Variants in APBB3 observed in about 807,000 individuals in gnomAD.
APBB3 encodes amyloid beta precursor protein binding family B member 3.
Under a neutral mutation model 61.5 loss-of-function variants are expected in APBB3, and 50 were observed. The ratio of observed to expected loss-of-function variants is 0.81; its 90% CI spans 0.65 to 1.03. APBB3 has a LOEUF of 1.03. APBB3 is among the 50% of genes least tolerant of loss of function. The probability of loss-of-function intolerance (pLI) is 0.00; values close to 1 mark genes in which losing one functional copy is unlikely to be tolerated. For synonymous variants in APBB3, 235 were observed against 233.0 expected, an observed-to-expected ratio of 1.01 and a Z score of -0.08; for missense variants, 550 against 637.4, an observed-to-expected ratio of 0.86 and a Z score of 1.48.
intron 12 of APBB3, among the ~76,000 whole-genome samples, chr5:140,559,066 GTTA>G (rs1360554780): frequency 1.3e-5 from 2 of 152,274 alleles, no homozygotes; most frequent in South Asian, 2.1e-4. Context: ...TTTATGAGGG[GTTA>G]TTATCCCTGT....
At position 140,558,655 on chromosome 5, in the gene APBB3, G is replaced by A. The variant is rs760613759; in HGVS notation, c.1391C>T (p.Pro464Leu). 2 of 1,614,142 alleles carry A rather than the reference G, an allele frequency of 1.2e-6. No homozygotes were observed. Among genetic ancestry groups the A allele is most frequent in the South Asian group, 1.1e-5 (1 of 91,082 alleles). ...AAAAGAGAAGACACCCCGCTTTCGA[G>A]GGGTTGCCCCTGCACCGCCAACCCC... The part of the protein sequence containing the change: ...KGGVGGAGAT[P>L]RKRGVFSFLD... The change falls in exon 13 of 13, where the codon CCT (proline) becomes CTT (leucine). Residue 464 changes from proline to leucine, a missense_variant. Around this residue, in one of 3 missense-constraint regions of APBB3, gnomAD observed 138 missense variants for 132.6 expected, o/e 1.04. Coordinates refer to ENST00000357560, the MANE Select transcript of APBB3 (RefSeq NM_133173.3).
At position 140,564,097 on chromosome 5, in the gene APBB3, G is replaced by GA; in HGVS notation, c.49+99dup. ...TCATTCGCCCCCTGGTCCCTACACA[G>GA]AGAGGTATCCCCCACCGTCTTTGAG... On this transcript the variant is annotated intron_variant, in intron 1 of 12. Transcript: ENST00000357560. The surrounding 1 kb of genome is among the most constrained non-coding windows in gnomAD (Gnocchi z 5.0). The GA allele has an allele frequency of 6.5e-7, 1 of 1,550,228 alleles. No homozygotes were observed. Among genetic ancestry groups the GA allele is most frequent in the South Asian group, 1.1e-5 (1 of 87,428 alleles).
Position 140,562,483 on chromosome 5 carries a change from G to A in APBB3, c.368C>T (p.Ser123Phe), listed in dbSNP as rs144671723. The A allele has an allele frequency of 1.2e-4, 192 of 1,614,002 alleles. No individual in the cohort carries two copies. The highest frequency in any genetic ancestry group is 1.6e-4 in the Non-Finnish European group (188 of 1,180,028). The change falls in exon 5 of 13, where the codon TCT becomes TTT. Residue 123 changes from serine (S) to phenylalanine (F), a missense_variant. Physicochemically the swap from Ser to Phe is radical, Grantham distance 155. Coordinates refer to ENST00000357560, the MANE Select transcript of APBB3 (RefSeq NM_133173.3). ...EPGAKCFAVR[S>F]LGWVEVPEED... Reference sequence around the variant, plus strand: ...TTCAGGTACCTCTACCCAGCCCAGAGAGCGGACTGCAAAGCACTGACAGGT... The same window carrying A: ...TTCAGGTACCTCTACCCAGCCCAGAAAGCGGACTGCAAAGCACTGACAGGT...
chr5:140,560,904 C>T lies in APBB3; in HGVS notation c.916+114G>A. The stretch of plus-strand genomic sequence containing the variant: ...TTCTGATTTGGGAAGGCTGGTAGAC[C>T]CCAGGCCATAACAAGGCCACGGGAG... On this transcript the variant is annotated intron_variant, in intron 10 of 12. Transcript: ENST00000357560. This position sits in a 1 kb window ranked among gnomAD's most constrained non-coding sequence, Gnocchi z 5.1. 7.1e-7 allele frequency: 1 copy of T among 1,401,210 alleles called. No homozygotes were observed. Among genetic ancestry groups the T allele is most frequent in the Non-Finnish European group, 9.9e-7 (1 of 1,008,686 alleles). The allele number at this position is 1,401,210 out of a possible 1,614,324, so 86.8% of individuals were successfully genotyped here.
In APBB3 at chr5:140,560,951, G is replaced by T; in HGVS notation, c.916+67C>A. 6.5e-7 allele frequency: 1 copy of T among 1,547,320 alleles called. No homozygotes were observed. The highest frequency in any genetic ancestry group is 8.8e-7 in the Non-Finnish European group (1 of 1,131,828). On this transcript the variant is annotated intron_variant, in intron 10 of 12. Coordinates refer to ENST00000357560, the MANE Select transcript of APBB3 (RefSeq NM_133173.3). The surrounding 1 kb of genome is among the most constrained non-coding windows in gnomAD (Gnocchi z 5.1). ...GGAGGACTCTTGAGAAATGATAACA[G>T]GCCTCACCTCACTCACCTTCCCCTT... is the stretch of plus-strand genomic sequence containing the variant.
At chr5:140,563,036 G>C in intron 3 of APBB3, 1 of 366,616 alleles carries the variant, frequency 2.7e-6, no homozygotes, top group Non-Finnish European at 5.0e-6. Context: ...CATGAGGTCA[G>C]GATATCGAGA....
Position 140,560,715 on chromosome 5 carries a change from G to A in APBB3, c.956C>T (p.Ala319Val). ...VLNEAIGTLT[A>V]RGDRNAWVPT... ...GACCCAGGCATTCCGGTCCCCCCTG[G>A]CGGTGAGGGTACCAATGGCCTCGTT... The change falls in exon 11 of 13, where the codon GCC (alanine) becomes GTC (valine). Residue 319 changes from alanine (A) to valine (V), a missense_variant. By Grantham distance (64) the Ala-to-Val change is moderately conservative (BLOSUM62 0). Transcript: ENST00000357560. The surrounding 1 kb of genome is among the most constrained non-coding windows in gnomAD (Gnocchi z 5.1). The A allele has an allele frequency of 6.2e-7, 1 of 1,614,192 alleles. No individual in the cohort carries two copies. Among genetic ancestry groups the A allele is most frequent in the Middle Eastern group, 1.6e-4 (1 of 6,062 alleles).
rs1049553556 is a variant in APBB3 at position 140,564,361 on chromosome 5, T to C, written c.-116A>G. On this transcript the variant is annotated 5_prime_UTR_variant, in exon 1 of 13. Transcript: ENST00000357560. The surrounding 1 kb of genome is among the most constrained non-coding windows in gnomAD (Gnocchi z 5.0). The stretch of plus-strand genomic sequence containing the variant: ...CTGCGCCGCAGGCTGCGGGGCCAGC[T>C]GGCGCCGCACAAATACGGGGCGGGA... 3.4e-5 allele frequency: 42 copies of C among 1,240,902 alleles called. No individual in the cohort carries two copies. The African/African-American group carries it at 3.8e-4, about 11-fold the overall frequency. 76.9% of individuals were successfully genotyped at this position (1,240,902 alleles called of 1,614,324 possible).
At position 140,564,190 on chromosome 5, in the gene APBB3, T is replaced by C. The variant is rs769101762; in HGVS notation, c.49+7A>G. On this transcript the variant is annotated splice_region_variant and intron_variant, in intron 1 of 12. Transcript: ENST00000357560. This position sits in a 1 kb window ranked among gnomAD's most constrained non-coding sequence, Gnocchi z 5.0. ...CTGGTCTTCCCACCGGGCCCCTCCG[T>C]GCACACCATCGCAGTTGACCAGAAT... 2.0e-5 allele frequency: 32 copies of C among 1,613,920 alleles called. No individual in the cohort carries two copies. In the African/African-American group the frequency reaches 3.5e-4, roughly 18 times the overall value.
rs775451673 is a variant in APBB3, at chr5:140,562,476, G to A, written c.375C>T (p.Gly125=). The A allele has an allele frequency of 6.2e-7, 1 of 1,614,146 alleles. No homozygotes were observed. The highest frequency in any genetic ancestry group is 8.5e-7 in the Non-Finnish European group (1 of 1,180,022). The part of the protein sequence containing the change: ...GAKCFAVRSL[G]WVEVPEEDLA... ...GGTCCTCTTCAGGTACCTCTACCCA[G>A]CCCAGAGAGCGGACTGCAAAGCACT... Residue 125 remains glycine, a synonymous_variant, in exon 5 of 13, where the codon GGC becomes GGT. Transcript: ENST00000357560.
In APBB3 at chr5:140,564,259, C is replaced by G; in HGVS notation, c.-14G>C. 1 of 1,607,866 alleles carries G rather than the reference C, an allele frequency of 6.2e-7. No individual in the cohort carries two copies. Among genetic ancestry groups the G allele is most frequent in the Non-Finnish European group, 8.5e-7 (1 of 1,179,936 alleles). ...CTTGCCCAGCATAACCCCGGCTGCT[C>G]CCCGCCAGCCTCTGCCGGCCCGCAC... On this transcript the variant is annotated 5_prime_UTR_variant, in exon 1 of 13. Coordinates refer to ENST00000357560, the MANE Select transcript of APBB3 (RefSeq NM_133173.3). The surrounding 1 kb of genome is among the most constrained non-coding windows in gnomAD (Gnocchi z 5.0).
Position 140,561,848 on chromosome 5 carries a change from C to T in APBB3, c.628G>A (p.Asp210Asn). 6.2e-7 allele frequency: 1 copy of T among 1,613,674 alleles called. No homozygotes were observed. Among genetic ancestry groups the T allele is most frequent in the Non-Finnish European group, 8.5e-7 (1 of 1,179,978 alleles). Residue 210 changes from aspartate (D) to asparagine (N), a missense_variant and splice_region_variant, in exon 7 of 13, where the codon GAC becomes AAC. Physicochemically the swap from Asp to Asn is conservative, Grantham distance 23. Around this residue, in one of 3 missense-constraint regions of APBB3, gnomAD observed 405 missense variants for 483.4 expected, o/e 0.84. Coordinates refer to ENST00000357560, the MANE Select transcript of APBB3 (RefSeq NM_133173.3). Reference protein sequence around the residue: ...VWGVGSSKGRDRDFAFVASDK... With the variant: ...VWGVGSSKGRNRDFAFVASDK... Reference sequence around the variant, plus strand: ...GGATACCTGGTTTTCACTCACCTGTCACTGTTCCGGAAGCATGTGGGAGCA... The same window carrying T: ...GGATACCTGGTTTTCACTCACCTGTTACTGTTCCGGAAGCATGTGGGAGCA...
At position 140,560,298 on chromosome 5, in the gene APBB3, C is replaced by T; in HGVS notation, c.1224+15G>A. On this transcript the variant is annotated intron_variant, in intron 12 of 12. Coordinates refer to ENST00000357560, the MANE Select transcript of APBB3 (RefSeq NM_133173.3). This position sits in a 1 kb window ranked among gnomAD's most constrained non-coding sequence, Gnocchi z 5.1. ...GCAGGGCAATCCCACCAACCCATTC[C>T]CACCCATGACTCACCATACAGGCAG... The T allele has an allele frequency of 6.2e-7, 1 of 1,606,026 alleles. No homozygotes were observed. Among genetic ancestry groups the T allele is most frequent in the East Asian group, 2.2e-5 (1 of 44,692 alleles).
In APBB3 at chr5:140,562,385, G is replaced by T. The variant is rs558152802; in HGVS notation, c.466C>A (p.Arg156=). Residue 156 remains arginine, a synonymous_variant, in exon 5 of 13, where the codon CGG becomes AGG. Coordinates refer to ENST00000357560, the MANE Select transcript of APBB3 (RefSeq NM_133173.3). ...CIQQLAQTRS[R]SQPPDGAWGE... ...CAGGCACCATCTGGAGGCTGGCTCCGGCTGCGGGTCTGGGCCAGCTGCTGG... is the reference window on the plus strand; with the variant it reads ...CAGGCACCATCTGGAGGCTGGCTCCTGCTGCGGGTCTGGGCCAGCTGCTGG... 2 of 1,614,168 alleles carry T rather than the reference G, an allele frequency of 1.2e-6. No individual in the cohort carries two copies. The highest frequency in any genetic ancestry group is 3.3e-5 in the Admixed American group (2 of 60,028).
At position 140,558,425 on chromosome 5, in the gene APBB3, G is replaced by A. The variant is rs543022361; in HGVS notation, c.*160C>T. On this transcript the variant is annotated 3_prime_UTR_variant, in exon 13 of 13. Coordinates refer to ENST00000357560, the MANE Select transcript of APBB3 (RefSeq NM_133173.3). Reference sequence around the variant, plus strand: ...GTGGTGCAGTGCCTCCCAGTCATCCGTATAAACAATAAATTGGGCAATAAA... The same window carrying A: ...GTGGTGCAGTGCCTCCCAGTCATCCATATAAACAATAAATTGGGCAATAAA... 2.2e-4 allele frequency: 181 copies of A among 819,726 alleles called. 1 individual carries two copies. The highest frequency in any genetic ancestry group is 2.1e-3 in the South Asian group (145 of 70,210). The allele number at this position is 819,726 out of a possible 1,614,324, so 50.8% of individuals were successfully genotyped here.
chr5:140,562,887 TAA>T, intron 3 of APBB3, 164 bp from the exon 4 acceptor site: 2 of 641,560 alleles, frequency 3.1e-6, no homozygotes, highest in Non-Finnish European at 5.4e-6. Flanking sequence ...TAACGTAACA[TAA>T]AGTGTGACTC....
intron 8 of APBB3, 21 bp downstream of exon 8, chr5:140,561,566 T>A: frequency 6.2e-7 from 1 of 1,614,004 alleles, no homozygotes; most frequent in Non-Finnish European, 8.5e-7. Context: ...CCACATTCCC[T>A]GCCCCACCCC....
chr5:140,559,874 T>A (rs1409020910), intron 12 of APBB3, among the ~76,000 whole-genome samples: 1 of 152,260 alleles, frequency 6.6e-6, no homozygotes, highest in Non-Finnish European at 1.5e-5. Flanking sequence ...AGCTATGGTG[T>A]CTGGGACCCT....
At chr5:140,562,884 A>T in intron 3 of APBB3, 161 bp from the exon 4 acceptor site, 1 of 647,406 alleles carries the variant, frequency 1.5e-6, no homozygotes, top group Admixed American at 3.0e-5. Flanking sequence ...TATTAACGTA[A>T]CATAAAGTGT....
Sources: gnomAD v4.1 joint callset for allele counts (sites outside exome capture counted in the v4.1 genomes callset) on GRCh38, gnomAD v4.1.1 for gene constraint, gnomAD v4.1.1 regional missense constraint, Gnocchi (gnomAD v3.1) non-coding constraint, MANE v1.5 for transcripts, NCBI Gene and HGNC (gene_info 2026-07-23, HGNC 2026-07-21) for gene names.